Variants in CENPF observed in about 807,000 individuals in gnomAD.
CENPF encodes the protein centromere protein F, also known as AH antigen.
A neutral mutation model predicts 307.3 loss-of-function variants in CENPF; 214 were observed. The ratio of observed to expected loss-of-function variants is 0.70; its 90% CI spans 0.62 to 0.78. CENPF has a LOEUF of 0.78. Among genes scored for constraint, CENPF ranks in the 30% least tolerant of loss-of-function variants. CENPF has a pLI of 0.00. For missense variants in CENPF, 3,401 were observed against 3,483.9 expected (o/e 0.98, Z 0.60); for synonymous variants, 1,259 against 1,270.6 (o/e 0.99, Z 0.19).
At chr1:214,607,219 C>T (rs983800441) in intron 1 of CENPF, among the ~76,000 whole-genome samples, 5 of 152,252 alleles carry the variant, frequency 3.3e-5, no homozygotes, top group Admixed American at 2.0e-4. Context: ...CTGGATGTCA[C>T]CACTCAAACG....
chr1:214,606,183 C>T (rs1438410772), intron 1 of CENPF: 3 of 1,156,506 alleles, frequency 2.6e-6, no homozygotes, highest in South Asian at 1.5e-5. Flanking sequence ...CTCCAGTCTC[C>T]CCACTCAGCC....
At chr1:214,605,979 G>T in intron 1 of CENPF, 1 of 1,597,230 alleles carries the variant, frequency 6.3e-7, no homozygotes, top group Non-Finnish European at 8.5e-7. Flanking sequence ...GGCGAATGCA[G>T]CACCACCGCG....
At chr1:214,655,669 C>T (rs1658612404) in intron 17 of CENPF, among the ~76,000 whole-genome samples, 1 of 152,122 alleles carries the variant, frequency 6.6e-6, no homozygotes, top group Non-Finnish European at 1.5e-5. Flanking sequence ...GCCATTATGG[C>T]TCATTGCAGC....
chr1:214,652,611 T>C (rs1219386231), intron 15 of CENPF, among the ~76,000 whole-genome samples: 1 of 132,302 alleles, frequency 7.6e-6, no homozygotes, highest in Non-Finnish European at 1.8e-5. Context: ...GCCCAGCTAA[T>C]TTTTGTATTT....
rs998588368 is a variant in CENPF, at chr1:214,624,221, G to A, written c.1068+1940G>A. Among the ~76,000 whole-genome samples the A allele has an allele frequency of 3.9e-5, 6 of 151,916 alleles. No homozygotes were observed. The South Asian group carries it at 1.2e-3, about 31-fold the overall frequency. On this transcript the variant is annotated intron_variant, in intron 7 of 19. Coordinates refer to ENST00000366955, the MANE Select transcript of CENPF (RefSeq NM_016343.4). ...GATTTTTTGTGTCTGTATTCATAAA[G>A]GATATTGGTTGGCTTTCTTTTTTTC...
Position 214,645,996 on chromosome 1 carries a change from G to GA in CENPF, c.6429dup (p.Glu2144ArgfsTer7), listed in dbSNP as rs1479767602. ...AGCAGCTGCACATCGCAGAGAAACT[G>GA]AAAGAACGCGAGCGGGAGAATGATT... On this transcript the variant is annotated frameshift_variant, in exon 13 of 20. Transcript: ENST00000366955. LOFTEE classifies it high-confidence loss of function. 1.1e-5 allele frequency: 18 copies of GA among 1,614,000 alleles called. No homozygotes were observed. Among genetic ancestry groups the GA allele is most frequent in the Non-Finnish European group, 1.5e-5 (18 of 1,180,044 alleles).
intron 7 of CENPF, among the ~76,000 whole-genome samples, chr1:214,623,729 A>T (rs1258642708): frequency 6.6e-6 from 1 of 152,176 alleles, no homozygotes; most frequent in African/African-American, 2.4e-5. Context: ...TGATAAATAG[A>T]CAAAAATCTC....
At chr1:214,605,617 C>T (rs533621203) in intron 1 of CENPF, 59 of 1,422,692 alleles carry the variant, frequency 4.1e-5, no homozygotes, top group Non-Finnish European at 5.2e-5. Context: ...GGGGGGCCGG[C>T]GCGGGGTGAG....
rs780027622 is a variant in CENPF, at chr1:214,645,081, A to G, written c.5511A>G (p.Lys1837=). ...AAAAAATAGTTGGGGAACTTAAGAA[A>G]GAAAACTCAGATTTAAGTGAAAAAT... The part of the protein sequence containing the change: ...ELEKIVGELK[K]ENSDLSEKLE... The change falls in exon 13 of 20, where the codon AAA becomes AAG. Residue 1837 remains lysine (K), a synonymous_variant. Transcript: ENST00000366955. 25 of 1,613,276 alleles carry G rather than the reference A, an allele frequency of 1.5e-5. No individual in the cohort carries two copies. Among genetic ancestry groups the G allele is most frequent in the Non-Finnish European group, 2.1e-5 (25 of 1,179,870 alleles).
chr1:214,626,885 A>G (rs1558176154), intron 7 of CENPF, among the ~76,000 whole-genome samples: 1 of 152,170 alleles, frequency 6.6e-6, no homozygotes, highest in Non-Finnish European at 1.5e-5. Context: ...GCCTTCCTGT[A>G]TGTAAGAATT....
At chr1:214,617,379 T>C (rs1056391556) in intron 3 of CENPF, among the ~76,000 whole-genome samples, 3 of 152,178 alleles carry the variant, frequency 2.0e-5, no homozygotes, top group African/African-American at 7.2e-5. Context: ...TTAAGTAATA[T>C]GTCACGGCAA....
At chr1:214,661,587 C>G (rs888106753) in intron 19 of CENPF, among the ~76,000 whole-genome samples, 3 of 152,150 alleles carry the variant, frequency 2.0e-5, no homozygotes, top group African/African-American at 7.2e-5. Context: ...AGGTAAGGAT[C>G]ATTCTCTATT....
At chr1:214,631,803 A>G (rs1210260099) in intron 9 of CENPF, among the ~76,000 whole-genome samples, 1 of 152,184 alleles carries the variant, frequency 6.6e-6, no homozygotes, top group Admixed American at 6.5e-5. Flanking sequence ...CCTGGGCAGC[A>G]TCCTAACATT....
chr1:214,663,316 G>A (rs1658833033), intron 19 of CENPF, among the ~76,000 whole-genome samples: 1 of 152,188 alleles, frequency 6.6e-6, no homozygotes, highest in African/African-American at 2.4e-5. Context: ...GGTCAAGCAT[G>A]TTGTGGGCTC....
chr1:214,622,273 TCAA>T lies in CENPF; in HGVS notation c.1062_1064del (p.Thr355del). 1 of 1,606,502 alleles carries T rather than the reference TCAA, an allele frequency of 6.2e-7. No individual in the cohort carries two copies. Among genetic ancestry groups the T allele is most frequent in the African/African-American group, 1.3e-5 (1 of 74,508 alleles). ...AACAACAGCACAATACGACCAGGCG[TCAA>T]CCAAGGTACTTGACTTTTCGTGAAT... On this transcript the variant is annotated inframe_deletion, in exon 7 of 20. Transcript: ENST00000366955.
Position 214,647,254 on chromosome 1 carries a change from A to T in CENPF, c.7684A>T (p.Thr2562Ser). The change falls in exon 13 of 20, where the codon ACA becomes TCA. Residue 2562 changes from threonine (T) to serine (S), a missense_variant. Physicochemically the swap from Thr to Ser is moderately conservative, Grantham distance 58 (BLOSUM62 1). Transcript: ENST00000366955. ...GCAAAACTTAGAACTGAGAAATCTG[A>T]CAGTGGAATTGGAGCAGAAGATCCA... ...KEQNLELRNL[T>S]VELEQKIQVL... The T allele has an allele frequency of 1.9e-6, 3 of 1,614,120 alleles. No individual in the cohort carries two copies. The highest frequency in any genetic ancestry group is 2.5e-6 in the Non-Finnish European group (3 of 1,179,980).
At position 214,619,194 on chromosome 1, in the gene CENPF, G is replaced by A. The variant is rs774953042; in HGVS notation, c.547G>A (p.Ala183Thr). ...GGTTGAAGAACGAAAAAGATTAGAGGCAGAGGTTAAAGCCTTGCAGGCTAA... is the reference window on the plus strand; with the variant it reads ...GGTTGAAGAACGAAAAAGATTAGAGACAGAGGTTAAAGCCTTGCAGGCTAA... ...KEVEERKRLEAEVKALQAKKA... is the reference protein window; with the variant it reads ...KEVEERKRLETEVKALQAKKA... The change falls in exon 5 of 20, where the codon GCA becomes ACA. Residue 183 changes from alanine to threonine, a missense_variant. Coordinates refer to ENST00000366955, the MANE Select transcript of CENPF (RefSeq NM_016343.4). 2.5e-6 allele frequency: 4 copies of A among 1,584,402 alleles called. No individual in the cohort carries two copies. The African/African-American group carries it at 5.4e-5, about 21-fold the overall frequency.
At chr1:214,622,354 A>G (rs1657531850) in intron 7 of CENPF, 73 bp downstream of exon 7, 1 of 1,217,954 alleles carries the variant, frequency 8.2e-7, no homozygotes, top group Non-Finnish European at 1.2e-6. Context: ...AGTATTTTAT[A>G]CATAAGTTTA....
intron 1 of CENPF, chr1:214,612,902 CTG>C (rs1293224590): frequency 1.1e-5 from 2 of 174,474 alleles, no homozygotes; most frequent in Non-Finnish European, 2.5e-5. Flanking sequence ...AAGATGAAGA[CTG>C]TTTAAATTGA....
Sources: gnomAD v4.1 joint callset for allele counts (sites outside exome capture counted in the v4.1 genomes callset) on GRCh38, gnomAD v4.1.1 for gene constraint, MANE v1.5 for transcripts, NCBI Gene and HGNC (gene_info 2026-07-23, HGNC 2026-07-21) for gene names.